Variants in RAB11FIP3 observed in about 807,000 individuals in gnomAD.
RAB11FIP3 encodes rab11 family-interacting protein 3.
Under a neutral mutation model 77.8 loss-of-function variants are expected in RAB11FIP3, and 17 were observed. The ratio of observed to expected loss-of-function variants is 0.22; its 90% confidence interval spans 0.15 to 0.33. RAB11FIP3 has a LOEUF of 0.33. Among genes scored for constraint, RAB11FIP3 ranks in the 10% least tolerant of loss-of-function variants. The pLI is 1.00. For missense variants in RAB11FIP3, 1,005 were observed against 1,011.2 expected, an observed-to-expected ratio of 0.99 and a Z score of 0.08; for synonymous variants, 437 against 448.2, an observed-to-expected ratio of 0.98 and a Z score of 0.31.
chr16:505,064 C>T lies in RAB11FIP3; in HGVS notation c.1396-460C>T, dbSNP rs752099417. ...GCCAAGTCCTCCTCTGCTCCCTTCA[C>T]TCCTTCTCCTACCTCCGCAGGTGTC... On this transcript the variant is annotated intron_variant, in intron 7 of 13. Coordinates refer to ENST00000262305, the MANE Select transcript of RAB11FIP3 (RefSeq NM_014700.4). This position sits in a 1 kb window ranked among gnomAD's most constrained non-coding sequence, Gnocchi z 4.0. 6.6e-6 allele frequency among the ~76,000 whole-genome samples: 1 copy of T among 150,414 alleles called. No homozygotes were observed. Among genetic ancestry groups the T allele is most frequent in the Non-Finnish European group, 1.5e-5 (1 of 67,756 alleles).
At chr16:485,106 C>A (rs2056127393) in intron 4 of RAB11FIP3, among the ~76,000 whole-genome samples, 1 of 152,078 alleles carries the variant, frequency 6.6e-6, no homozygotes, top group Admixed American at 6.6e-5. Flanking sequence ...GGTCTGCAGA[C>A]TTTTTCTCTA....
At chr16:447,285 G>T (rs1340797606) in intron 1 of RAB11FIP3, among the ~76,000 whole-genome samples, 2 of 151,906 alleles carry the variant, frequency 1.3e-5, no homozygotes, top group African/African-American at 2.4e-5. Context: ...AGCCTGGGCA[G>T]TAGAGTAAGA....
Position 426,160 on chromosome 16 carries a change from TC to T in RAB11FIP3, c.158del (p.Pro53ArgfsTer187), listed in dbSNP as rs1372092143. 4 of 1,013,518 alleles carry T rather than the reference TC, an allele frequency of 3.9e-6. No individual in the cohort carries two copies. The highest frequency in any genetic ancestry group is 5.9e-5 in the Admixed American group (1 of 16,950). 62.8% of individuals were successfully genotyped at this position (1,013,518 alleles called of 1,614,324 possible). ...GAPVGGPDPQ[S>X]PGLDEPAPGA... ...GCCCGTCGGCGGCCCCGACCCGCAG[TC>T]CCCGGGCCTGGATGAGCCTGCGCCC... is the stretch of plus-strand genomic sequence containing the variant. On this transcript the variant is annotated frameshift_variant, in exon 1 of 14. Coordinates refer to ENST00000262305, the MANE Select transcript of RAB11FIP3 (RefSeq NM_014700.4). LOFTEE classifies it high-confidence loss of function. This position sits in a 1 kb window ranked among gnomAD's most constrained non-coding sequence, Gnocchi z 5.0.
chr16:483,948 T>C (rs1418018094), intron 4 of RAB11FIP3, among the ~76,000 whole-genome samples: 1 of 152,070 alleles, frequency 6.6e-6, no homozygotes, highest in Non-Finnish European at 1.5e-5. Flanking sequence ...AGCAGCATCT[T>C]GCATGTAGGG....
chr16:500,507 C>T (rs1384468697), intron 6 of RAB11FIP3, among the ~76,000 whole-genome samples: 2 of 151,552 alleles, frequency 1.3e-5, no homozygotes, highest in African/African-American at 2.4e-5. Context: ...ATAGTGAAAC[C>T]CCATCTCTAC....
intron 5 of RAB11FIP3, among the ~76,000 whole-genome samples, chr16:492,801 G>C (rs895788256): frequency 1.3e-5 from 2 of 152,146 alleles, no homozygotes; most frequent in Admixed American, 6.6e-5. Context: ...ACATAGAACT[G>C]ATTTTTTCCC....
chr16:510,404 G>A (rs1390050995), intron 8 of RAB11FIP3: 1 of 460,498 alleles, frequency 2.2e-6, no homozygotes, highest in East Asian at 3.8e-5. Flanking sequence ...CAGTGCCTGT[G>A]GGTATCAGCT....
rs1164829126 is a variant in RAB11FIP3 at position 481,893 on chromosome 16, G to A, written c.904-632G>A. 3.6e-5 allele frequency among the ~76,000 whole-genome samples: 3 copies of A among 84,128 alleles called. 1 individual carries two copies. The highest frequency in any genetic ancestry group is 5.7e-5 in the Non-Finnish European group (2 of 35,190). The allele number at this position is 84,128 out of a possible 152,430, so 55.2% of individuals were successfully genotyped here. ...CTTGAGTAGCTGGGACCTGCAGGCC[G>A]GTGCCACCGCACCTGGGCAAGCTCC... On this transcript the variant is annotated intron_variant, in intron 3 of 13. Coordinates refer to ENST00000262305, the MANE Select transcript of RAB11FIP3 (RefSeq NM_014700.4).
chr16:473,175 G>A (rs2141689153), intron 3 of RAB11FIP3, among the ~76,000 whole-genome samples: 1 of 152,310 alleles, frequency 6.6e-6, no homozygotes, highest in East Asian at 1.9e-4. Context: ...AGGCACCAAA[G>A]GCACCAGTGC....
chr16:491,054 C>T (rs1028368205), intron 5 of RAB11FIP3: 2 of 1,191,440 alleles, frequency 1.7e-6, no homozygotes, highest in East Asian at 6.0e-5. Flanking sequence ...CTGTCCTGTT[C>T]CCCTCGGCCC....
rs1327003446 is a variant in RAB11FIP3, at chr16:461,546, C to T, written c.808+49C>T. 3 of 1,499,994 alleles carry T rather than the reference C, an allele frequency of 2.0e-6. No individual in the cohort carries two copies. The highest frequency in any genetic ancestry group is 1.1e-5 in the South Asian group (1 of 88,234). The allele number at this position is 1,499,994 out of a possible 1,614,324, so 92.9% of individuals were successfully genotyped here. ...CCCACCTCCTCTCCCGTTCCTCAGC[C>T]ACCCTCTCAGCCACCTGCACATCAC... On this transcript the variant is annotated intron_variant, in intron 2 of 13. Coordinates refer to ENST00000262305, the MANE Select transcript of RAB11FIP3 (RefSeq NM_014700.4). This position sits in a 1 kb window ranked among gnomAD's most constrained non-coding sequence, Gnocchi z 4.5.
intron 1 of RAB11FIP3, among the ~76,000 whole-genome samples, chr16:437,198 A>T (rs1251746490): frequency 2.0e-5 from 3 of 152,016 alleles, no homozygotes; most frequent in Non-Finnish European, 4.4e-5. Flanking sequence ...GAATCGTTTG[A>T]ACCTGGGAGG....
intron 8 of RAB11FIP3, chr16:510,355 A>G (rs1187475538): frequency 9.1e-6 from 3 of 327,956 alleles, no homozygotes; most frequent in Non-Finnish European, 1.7e-5. Context: ...TGGCGGGCTC[A>G]GGCCCTCTGA....
At chr16:494,090 C>G (rs79521387) in intron 5 of RAB11FIP3, among the ~76,000 whole-genome samples, 7,304 of 46,028 alleles carry the variant, frequency 0.16, 432 homozygotes, top group African/African-American at 0.21. Flanking sequence ...TTTTAGTAGA[C>G]ACAGGGTTTC....
chr16:513,715 C>A (rs2032285466), intron 9 of RAB11FIP3, among the ~76,000 whole-genome samples: 1 of 152,180 alleles, frequency 6.6e-6, no homozygotes, highest in African/African-American at 2.4e-5. Flanking sequence ...AAGATACTTG[C>A]CTTATCTAAG....
In RAB11FIP3 at chr16:482,709, A is replaced by G. The variant is rs2056071210; in HGVS notation, c.1088A>G (p.His363Arg). 5.0e-6 allele frequency: 8 copies of G among 1,609,240 alleles called. No individual in the cohort carries two copies. The highest frequency in any genetic ancestry group is 5.9e-6 in the Non-Finnish European group (7 of 1,178,800). Residue 363 changes from histidine (H) to arginine (R), a missense_variant, in exon 4 of 14, where the codon CAT (histidine) becomes CGT (arginine). His to Arg is a conservative substitution (Grantham distance 29). Transcript: ENST00000262305. ...ECLDAMEEPD[H>R]GALLLLPGRP... Reference sequence around the variant, plus strand: ...CTGGACGCCATGGAGGAGCCCGACCATGGTGCCCTGCTGCTGCTCCCAGGC... The same window carrying G: ...CTGGACGCCATGGAGGAGCCCGACCGTGGTGCCCTGCTGCTGCTCCCAGGC...
intron 1 of RAB11FIP3, among the ~76,000 whole-genome samples, chr16:444,514 C>T (rs1342466271): frequency 6.6e-6 from 1 of 152,206 alleles, no homozygotes; most frequent in Non-Finnish European, 1.5e-5. Context: ...AGGTCTCAGG[C>T]TCCTAATTTT....
intron 6 of RAB11FIP3, among the ~76,000 whole-genome samples, chr16:499,955 G>T (rs1020786016): frequency 6.6e-6 from 1 of 150,644 alleles, no homozygotes; most frequent in African/African-American, 2.4e-5. Flanking sequence ...GGCTAAGGAA[G>T]AGCAAAATAA....
chr16:458,854 C>T (rs1166012803), intron 1 of RAB11FIP3, among the ~76,000 whole-genome samples: 2 of 152,220 alleles, frequency 1.3e-5, no homozygotes, highest in African/African-American at 4.8e-5. Flanking sequence ...TTCTCTTTTG[C>T]TGTTCTTGAA....
Sources: gnomAD v4.1 joint callset for allele counts (sites outside exome capture counted in the v4.1 genomes callset) on GRCh38, gnomAD v4.1.1 for gene constraint, Gnocchi (gnomAD v3.1) non-coding constraint, MANE v1.5 for transcripts, NCBI Gene and HGNC (gene_info 2026-07-23, HGNC 2026-07-21) for gene names.